The following SGCD variants were observed in gnomAD, a reference collection of about 807,000 sequenced individuals.
SGCD encodes delta-sarcoglycan.
In SGCD, 18 loss-of-function variants were observed where a neutral mutation model predicts 36.6. That is an observed-to-expected ratio of 0.49 (90% CI 0.34 to 0.73). The LOEUF (loss-of-function observed/expected upper bound fraction) is 0.73. Ranked by LOEUF, SGCD falls within the 30% of genes least tolerant of loss-of-function variation. SGCD has a pLI of 0.01. For missense variants in SGCD, 387 were observed against 346.7 expected (o/e 1.12, Z -0.92); for synonymous variants, 133 against 130.6 (o/e 1.02, Z -0.12).
At chr5:156,358,884 T>C (rs900597013) in intron 3 of SGCD, among the ~76,000 whole-genome samples, 2 of 151,710 alleles carry the variant, frequency 1.3e-5, no homozygotes, top group Non-Finnish European at 2.9e-5. Context: ...AGTTGACTGG[T>C]GGTGGTGGTG....
At chr5:156,189,953 G>A (rs1482084011) in intron 3 of SGCD, among the ~76,000 whole-genome samples, 1 of 152,102 alleles carries the variant, frequency 6.6e-6, no homozygotes, top group African/African-American at 2.4e-5. Context: ...TAGCAAATAG[G>A]TTTCCCTTGA....
chr5:156,054,431 A>G lies in SGCD; in HGVS notation c.-281-63447A>G, dbSNP rs887126536. Reference sequence around the variant, plus strand: ...CTCCCAACTACCTGGGACTACAGGCACCCGCCACCACGCCTGGCTAATTTT... The same window carrying G: ...CTCCCAACTACCTGGGACTACAGGCGCCCGCCACCACGCCTGGCTAATTTT... On this transcript the variant is annotated intron_variant, in intron 1 of 9. Transcript: ENST00000517913. Among the ~76,000 whole-genome samples the G allele has an allele frequency of 1.7e-4, 25 of 144,094 alleles. 3 individuals carry two copies. Among genetic ancestry groups the G allele is most frequent in the African/African-American group, 4.0e-4 (16 of 40,144 alleles). The allele number at this position is 144,094 out of a possible 152,430, so 94.5% of individuals were successfully genotyped here. A position where few individuals can be genotyped will look rare whatever the true frequency, so the allele number is the denominator to read the frequency against.
chr5:156,005,438 TTGTTGTTG>T (rs991475241), intron 1 of SGCD, among the ~76,000 whole-genome samples: 4 of 96,770 alleles, frequency 4.1e-5, no homozygotes, highest in Non-Finnish European at 5.6e-5. Flanking sequence ...TTTGTTGTTG[TTGTTGTTG>T]TTGTTGTTGT....
chr5:156,114,608 T>C (rs1761866225), intron 1 of SGCD, among the ~76,000 whole-genome samples: 1 of 152,098 alleles, frequency 6.6e-6, no homozygotes, highest in South Asian at 2.1e-4. Flanking sequence ...TCTCCTCTCA[T>C]CTATGAAATA....
chr5:155,778,684 C>A, the SGCD span, among the ~76,000 whole-genome samples: 3 of 152,132 alleles, frequency 2.0e-5, no homozygotes, highest in African/African-American at 4.8e-5. Context: ...AGACCCATTT[C>A]AAGGTATATT....
chr5:155,975,322 T>A, intron 1 of SGCD, among the ~76,000 whole-genome samples: 1 of 152,126 alleles, frequency 6.6e-6, no homozygotes, highest in Non-Finnish European at 1.5e-5. Context: ...CAAGGACTAT[T>A]TTGTCCCCAG....
chr5:155,919,295 T>G (rs1756821517), intron 1 of SGCD, among the ~76,000 whole-genome samples: 1 of 152,220 alleles, frequency 6.6e-6, no homozygotes, highest in African/African-American at 2.4e-5. Flanking sequence ...AGTTACGACA[T>G]GCACATCTGT....
chr5:155,892,495 A>G (rs1460288427), intron 1 of SGCD, among the ~76,000 whole-genome samples: 2 of 147,368 alleles, frequency 1.4e-5, no homozygotes, highest in Admixed American at 6.8e-5. Flanking sequence ...GGACCAATTG[A>G]TGCTATAGGG....
the SGCD span, among the ~76,000 whole-genome samples, chr5:155,764,301 A>G: frequency 2.6e-5 from 4 of 152,196 alleles, no homozygotes; most frequent in African/African-American, 7.2e-5. Context: ...AATGCTACAT[A>G]AACAACATCA....
chr5:156,127,092 A>C (rs909934205), intron 3 of SGCD, among the ~76,000 whole-genome samples: 1 of 152,234 alleles, frequency 6.6e-6, no homozygotes, highest in Non-Finnish European at 1.5e-5. Context: ...TTAATGACCC[A>C]TATGCCTTAG....
intron 3 of SGCD, among the ~76,000 whole-genome samples, chr5:156,160,114 A>T (rs1049003554): frequency 6.6e-6 from 1 of 151,642 alleles, no homozygotes; most frequent in African/African-American, 2.4e-5. Flanking sequence ...CAAATCTTTA[A>T]GACATATTTT....
At chr5:155,947,540 C>T (rs1757464461) in intron 1 of SGCD, among the ~76,000 whole-genome samples, 1 of 152,100 alleles carries the variant, frequency 6.6e-6, no homozygotes, top group South Asian at 2.1e-4. Flanking sequence ...GGCCCATTCA[C>T]CCACTCATTT....
At chr5:155,850,724 C>G in the SGCD span, among the ~76,000 whole-genome samples, 2 of 152,124 alleles carry the variant, frequency 1.3e-5, no homozygotes, top group Non-Finnish European at 2.9e-5. Context: ...TTGCTTTGCT[C>G]CTTGTCTTTC....
chr5:156,528,002 A>G (rs2113081513), intron 4 of SGCD, among the ~76,000 whole-genome samples: 1 of 152,338 alleles, frequency 6.6e-6, no homozygotes, highest in East Asian at 1.9e-4. Flanking sequence ...GTTATATCAT[A>G]TCATATCAGA....
chr5:156,522,386 A>G (rs1470937823), intron 4 of SGCD, among the ~76,000 whole-genome samples: 8 of 152,298 alleles, frequency 5.3e-5, no homozygotes, highest in Non-Finnish European at 1.0e-4. Context: ...CATATACACC[A>G]TGAAGTACTA....
intron 3 of SGCD, among the ~76,000 whole-genome samples, chr5:156,420,630 A>G (rs1773257925): frequency 6.6e-6 from 1 of 152,090 alleles, no homozygotes; most frequent in Non-Finnish European, 1.5e-5. Context: ...TCTTTTTAGC[A>G]TGCTGGGGTG....
intron 4 of SGCD, among the ~76,000 whole-genome samples, chr5:156,509,315 C>A (rs1304887247): frequency 2.6e-5 from 4 of 152,062 alleles, no homozygotes; most frequent in Non-Finnish European, 5.9e-5. Flanking sequence ...ATCTTAGCTA[C>A]TAGGGAGGCT....
At chr5:155,827,016 A>G in the SGCD span, among the ~76,000 whole-genome samples, 1 of 152,162 alleles carries the variant, frequency 6.6e-6, no homozygotes, top group Non-Finnish European at 1.5e-5. Context: ...AGTGTTCCCT[A>G]TGTAAGAAGA....
chr5:155,848,995 A>G, the SGCD span, among the ~76,000 whole-genome samples: 1 of 149,976 alleles, frequency 6.7e-6, no homozygotes, highest in Non-Finnish European at 1.5e-5. Context: ...TTTCTCTCCT[A>G]TTAAATTCCT....
Sources: gnomAD v4.1 joint callset for allele counts (sites outside exome capture counted in the v4.1 genomes callset) on GRCh38, gnomAD v4.1.1 for gene constraint, MANE v1.5 for transcripts, NCBI Gene and HGNC (gene_info 2026-07-23, HGNC 2026-07-21) for gene names.